Variants in EBF1 observed in about 807,000 individuals in gnomAD.
EBF1 encodes the protein transcription factor COE1.
EBF1 carries 10 observed loss-of-function variants against 68.4 expected under a neutral mutation model. The ratio of observed to expected loss-of-function variants is 0.15; its 90% CI spans 0.09 to 0.25. The LOEUF (loss-of-function observed/expected upper bound fraction) is 0.25, where lower values mean the gene tolerates loss of function less well. Among genes scored for constraint, EBF1 ranks in the 10% least tolerant of loss-of-function variants. The pLI is 1.00. For missense variants in EBF1, 509 were observed against 794.4 expected (o/e 0.64, Z 4.32); for synonymous variants, 298 against 299.8 (o/e 0.99, Z 0.06).
At chr5:158,802,733 CTTT>C (rs1451107108) in intron 8 of EBF1, among the ~76,000 whole-genome samples, 2 of 152,158 alleles carry the variant, frequency 1.3e-5, no homozygotes, top group East Asian at 1.9e-4. Flanking sequence ...CTCTTACCTT[CTTT>C]AAGTTGTAGT....
intron 6 of EBF1, among the ~76,000 whole-genome samples, chr5:158,997,294 A>C (rs1761612434): frequency 6.6e-6 from 1 of 152,122 alleles, no homozygotes; most frequent in Non-Finnish European, 1.5e-5. Context: ...CCCTCTAAAG[A>C]GCAGAGGCCA....
At chr5:159,029,256 C>T (rs892573328) in intron 6 of EBF1, among the ~76,000 whole-genome samples, 5 of 152,096 alleles carry the variant, frequency 3.3e-5, no homozygotes, top group Admixed American at 2.0e-4. Flanking sequence ...GATAGATACA[C>T]GATGTTGGCA....
intron 14 of EBF1, among the ~76,000 whole-genome samples, chr5:158,709,327 A>ATT (rs113894439): frequency 0.012 from 1,764 of 148,010 alleles, 18 homozygotes; most frequent in African/African-American, 0.033. Flanking sequence ...TATCACATAT[A>ATT]TTTTTTTTTT....
At position 159,097,024 on chromosome 5, in the gene EBF1, G is replaced by A. The variant is rs755494878; in HGVS notation, c.241C>T (p.Pro81Ser). Reference protein sequence around the residue: ...VLALYDRQGQPVEIERTAFVG... With the variant: ...VLALYDRQGQSVEIERTAFVG... ...AACGCTGTCCTCTCGATCTCCACGG[G>A]CTGGCCCTGTCTGTCGTAGAGGGCC... The change falls in exon 2 of 16, where the codon CCC becomes TCC. Residue 81 changes from proline (P) to serine (S), a missense_variant. Physicochemically the swap from Pro to Ser is moderately conservative, Grantham distance 74 (BLOSUM62 -1). This residue lies in a region of EBF1 where 230 missense variants were observed against 467.7 expected (regional missense o/e 0.49). Coordinates refer to ENST00000313708, the MANE Select transcript of EBF1 (RefSeq NM_024007.5). 6.2e-7 allele frequency: 1 copy of A among 1,614,040 alleles called. No individual in the cohort carries two copies. Among genetic ancestry groups the A allele is most frequent in the Non-Finnish European group, 8.5e-7 (1 of 1,180,000 alleles).
chr5:159,099,193 C>G, intron 1 of EBF1, 152 bp downstream of exon 1: 3 of 509,304 alleles, frequency 5.9e-6, no homozygotes, highest in Non-Finnish European at 8.9e-6. Context: ...GGCTGGAGAG[C>G]GCGGAGCCCC....
At chr5:159,073,247 G>C (rs1315240803) in intron 6 of EBF1, 149 bp downstream of exon 6, 1 of 727,258 alleles carries the variant, frequency 1.4e-6, no homozygotes, top group African/African-American at 1.8e-5. Context: ...GCTTTCCCAG[G>C]AATCAAAATC....
At position 158,696,897 on chromosome 5, in the gene EBF1, G is replaced by GTT. The variant is rs1273982927; in HGVS notation, c.*2212_*2213dup. ...TTCTTTTGTGCTTTTCGATTTCTTT[G>GTT]TTTTTTTTTTTTTCTTTTTTTCTTT... On this transcript the variant is annotated 3_prime_UTR_variant, in exon 16 of 16. Coordinates refer to ENST00000313708, the MANE Select transcript of EBF1 (RefSeq NM_024007.5). 3.8e-4 allele frequency: 64 copies of GTT among 169,358 alleles called. No individual in the cohort carries two copies. Among genetic ancestry groups the GTT allele is most frequent in the East Asian group, 1.2e-3 (12 of 10,104 alleles). 10.5% of individuals were successfully genotyped at this position (169,358 alleles called of 1,614,324 possible).
At chr5:158,699,302 A>T (rs1421022168) in intron 15 of EBF1, among the ~76,000 whole-genome samples, 160 bp from the exon 16 acceptor site, 1 of 152,086 alleles carries the variant, frequency 6.6e-6, no homozygotes, top group African/African-American at 2.4e-5. Context: ...AATTTTCGTT[A>T]TAAAATATAC....
intron 6 of EBF1, among the ~76,000 whole-genome samples, chr5:158,915,290 TA>T (rs1806914481): frequency 6.6e-6 from 1 of 152,148 alleles, no homozygotes. Context: ...TGTAGGAAAA[TA>T]AATGTTTAGA....
intron 8 of EBF1, among the ~76,000 whole-genome samples, chr5:158,813,586 G>T: frequency 6.6e-6 from 1 of 152,176 alleles, no homozygotes; most frequent in East Asian, 1.9e-4. Flanking sequence ...AAGGCTGCAG[G>T]TGTGTAGCCC....
At chr5:159,025,148 C>A (rs886883583) in intron 6 of EBF1, among the ~76,000 whole-genome samples, 1 of 152,220 alleles carries the variant, frequency 6.6e-6, no homozygotes, top group Non-Finnish European at 1.5e-5. Context: ...ATCTATCTGA[C>A]CTTCCTTTCC....
chr5:158,769,291 A>G (rs1159077273), intron 10 of EBF1, among the ~76,000 whole-genome samples: 1 of 152,018 alleles, frequency 6.6e-6, no homozygotes, highest in East Asian at 1.9e-4. Flanking sequence ...GATTTCTGTG[A>G]TTTATCTCTC....
intron 6 of EBF1, among the ~76,000 whole-genome samples, chr5:158,887,439 A>T (rs115786783): frequency 0.016 from 2,364 of 152,266 alleles, 57 homozygotes; most frequent in African/African-American, 0.054. Context: ...GTAGAAAACA[A>T]CTGTAATGTT....
intron 6 of EBF1, among the ~76,000 whole-genome samples, chr5:158,850,239 G>A (rs772775345): frequency 6.6e-6 from 1 of 152,104 alleles, no homozygotes; most frequent in Non-Finnish European, 1.5e-5. Context: ...GACTTTTGTT[G>A]AAACCCTTAG....
Position 159,084,698 on chromosome 5 carries a change from G to A in EBF1, c.453C>T (p.Cys151=), listed in dbSNP as rs1483482309. 1.2e-6 allele frequency: 2 copies of A among 1,600,092 alleles called. No homozygotes were observed. Among genetic ancestry groups the A allele is most frequent in the Non-Finnish European group, 8.5e-7 (1 of 1,171,736 alleles). ...YEGQDKNPEM[C]RVLLTHEIMC... ...TGATCTCATGTGTGAGCAAGACTCG[G>A]CACATTTCTGGGTTCTTGTCTTGGC... The change falls in exon 5 of 16, where the codon TGC becomes TGT. Residue 151 remains cysteine, a synonymous_variant. Transcript: ENST00000313708.
Position 159,073,019 on chromosome 5 carries a change from T to C in EBF1, c.554+377A>G, listed in dbSNP as rs1044330353. Among the ~76,000 whole-genome samples the C allele has an allele frequency of 3.9e-5, 6 of 152,174 alleles. No homozygotes were observed. In the East Asian group the frequency reaches 1.2e-3, roughly 29 times the overall value. ...CTACTGTAGCTAAAAGTGATAATGA[T>C]TCAAACATTTTTCAAATAAAAGTTA... is the stretch of plus-strand genomic sequence containing the variant. On this transcript the variant is annotated intron_variant, in intron 6 of 15. Transcript: ENST00000313708.
intron 6 of EBF1, among the ~76,000 whole-genome samples, chr5:158,918,089 G>A (rs556887990): frequency 1.1e-4 from 16 of 152,324 alleles, no homozygotes; most frequent in African/African-American, 3.8e-4. Context: ...CTTTTCTTGG[G>A]AGAGGTTTTA....
chr5:158,723,180 C>G (rs1762296253), intron 11 of EBF1, among the ~76,000 whole-genome samples: 1 of 152,212 alleles, frequency 6.6e-6, no homozygotes, highest in Non-Finnish European at 1.5e-5. Flanking sequence ...GCCGCTTCCA[C>G]CTAGCTCAGC....
At chr5:158,887,744 A>T (rs913896717) in intron 6 of EBF1, among the ~76,000 whole-genome samples, 1 of 152,194 alleles carries the variant, frequency 6.6e-6, no homozygotes, top group African/African-American at 2.4e-5. Flanking sequence ...TTAACCCAGT[A>T]TTCTAGAAGT....
Sources: gnomAD v4.1 joint callset for allele counts (sites outside exome capture counted in the v4.1 genomes callset) on GRCh38, gnomAD v4.1.1 for gene constraint, gnomAD v4.1.1 regional missense constraint, MANE v1.5 for transcripts, NCBI Gene and HGNC (gene_info 2026-07-23, HGNC 2026-07-21) for gene names.